The following TYW1B variants were observed in gnomAD, a reference collection of about 807,000 sequenced individuals.
TYW1B encodes the protein S-adenosyl-L-methionine-dependent tRNA 4-demethylwyosine synthase TYW1B.
A neutral mutation model predicts 86.9 loss-of-function variants in TYW1B; 73 were observed. That is an observed-to-expected ratio of 0.84 (90% CI 0.70 to 1.02). The LOEUF (loss-of-function observed/expected upper bound fraction) is 1.02, where lower values mean the gene tolerates loss of function less well. Ranked by LOEUF, TYW1B falls within the 50% of genes least tolerant of loss-of-function variation. The pLI is 0.00. For missense variants in TYW1B, 637 were observed against 827.4 expected (o/e 0.77, Z 2.82); for synonymous variants, 248 against 292.8 (o/e 0.85, Z 1.56).
At chr7:72,798,073 T>G (rs1251501219) in intron 6 of TYW1B, among the ~76,000 whole-genome samples, 1 of 151,926 alleles carries the variant, frequency 6.6e-6, no homozygotes, top group Admixed American at 6.6e-5. Context: ...TTAAACTAAG[T>G]TTGCAAATAT....
chr7:72,575,295 T>C lies in TYW1B; in HGVS notation c.*203A>G. 1 of 1,407,410 alleles carries C rather than the reference T, an allele frequency of 7.1e-7. No individual in the cohort carries two copies. Among genetic ancestry groups the C allele is most frequent in the Admixed American group, 3.0e-5 (1 of 33,406 alleles). The allele number at this position is 1,407,410 out of a possible 1,614,324, so 87.2% of individuals were successfully genotyped here. On this transcript the variant is annotated 3_prime_UTR_variant, in exon 14 of 14. Transcript: ENST00000620995. ...AAGTAAAATCAGGAAAGGGGCTGAG[T>C]TCTGAAAAGAAACATCGGGGCTGTG... is the stretch of plus-strand genomic sequence containing the variant.
rs1279154771 is a variant in TYW1B at position 72,628,952 on chromosome 7, C to T, written c.1552G>A (p.Val518Met). Residue 518 changes from valine to methionine, a missense_variant, in exon 12 of 14, where the codon GTG (valine) becomes ATG (methionine). By Grantham distance (21) the Val-to-Met change is conservative. Transcript: ENST00000620995. ...TGCGCGTAGGCCTGGAGCTCGTCCACGTTCCATGCTTTCACGAGCATCAGT... is the reference window on the plus strand; with the variant it reads ...TGCGCGTAGGCCTGGAGCTCGTCCATGTTCCATGCTTTCACGAGCATCAGT... Reference protein sequence around the residue: ...YRLMLVKAWNVDELQAYAQLV... With the variant: ...YRLMLVKAWNMDELQAYAQLV... 4 of 1,591,558 alleles carry T rather than the reference C, an allele frequency of 2.5e-6. No homozygotes were observed. The highest frequency in any genetic ancestry group is 3.6e-5 in the Admixed American group (2 of 55,728).
At chr7:72,782,500 C>T (rs1432237732) in intron 6 of TYW1B, among the ~76,000 whole-genome samples, 7 of 152,054 alleles carry the variant, frequency 4.6e-5, no homozygotes, top group East Asian at 1.9e-4. Context: ...CCAAAACATA[C>T]ATTTCTCCTG....
chr7:72,734,521 G>C (rs1333934022), intron 8 of TYW1B, among the ~76,000 whole-genome samples: 2 of 152,072 alleles, frequency 1.3e-5, no homozygotes, highest in Non-Finnish European at 1.5e-5. Context: ...AAACACAGAG[G>C]AAACACTTTA....
intron 11 of TYW1B, among the ~76,000 whole-genome samples, chr7:72,667,139 C>A (rs1254842509): frequency 7.0e-6 from 1 of 143,626 alleles, no homozygotes; most frequent in African/African-American, 2.6e-5. Flanking sequence ...CAACTGAAAA[C>A]AAAAAAACAA....
intron 13 of TYW1B, among the ~76,000 whole-genome samples, chr7:72,607,393 CAA>C (rs57281644): frequency 1.8e-4 from 14 of 76,196 alleles, no homozygotes; most frequent in Middle Eastern, 7.1e-3. Flanking sequence ...TTCTGTCTCT[CAA>C]AAAAAAAAAA....
intron 12 of TYW1B, among the ~76,000 whole-genome samples, chr7:72,619,895 T>C (rs1312688250): frequency 2.6e-5 from 4 of 152,196 alleles, no homozygotes; most frequent in African/African-American, 9.7e-5. Flanking sequence ...TTAGATAAGA[T>C]CTTGTCTTCG....
chr7:72,649,239 A>G (rs1351693031), intron 11 of TYW1B, among the ~76,000 whole-genome samples: 1 of 152,212 alleles, frequency 6.6e-6, no homozygotes, highest in Non-Finnish European at 1.5e-5. Flanking sequence ...AAAATAGCTG[A>G]AAGAGAATAA....
Position 72,786,871 on chromosome 7 carries a change from T to C in TYW1B, c.847-9338A>G, listed in dbSNP as rs567240482. Among the ~76,000 whole-genome samples, 5 of 152,084 alleles carry C rather than the reference T, an allele frequency of 3.3e-5. No individual in the cohort carries two copies. The South Asian group carries it at 1.0e-3, about 32-fold the overall frequency. Reference sequence around the variant, plus strand: ...ATTACAGGCATGAGCCACTGCGCCCTGCTAAACAAAGCTTTTAAATAAAGC... The same window carrying C: ...ATTACAGGCATGAGCCACTGCGCCCCGCTAAACAAAGCTTTTAAATAAAGC... On this transcript the variant is annotated intron_variant, in intron 6 of 13. Coordinates refer to ENST00000620995, the MANE Select transcript of TYW1B (RefSeq NM_001145440.3).
At chr7:72,706,633 T>TGC (rs879066152) in intron 10 of TYW1B, among the ~76,000 whole-genome samples, 1 of 152,104 alleles carries the variant, frequency 6.6e-6, no homozygotes, top group Admixed American at 6.5e-5. Flanking sequence ...GGAATTTCTC[T>TGC]TATAAGAAAA....
At chr7:72,700,238 A>G (rs1180714945) in intron 10 of TYW1B, among the ~76,000 whole-genome samples, 7 of 120,592 alleles carry the variant, frequency 5.8e-5, no homozygotes, top group African/African-American at 9.8e-5. Context: ...GCAATGGCAC[A>G]ATCTTGGCCC....
At chr7:72,757,729 T>C (rs572714145) in intron 7 of TYW1B, among the ~76,000 whole-genome samples, 69 of 152,256 alleles carry the variant, frequency 4.5e-4, no homozygotes, top group African/African-American at 1.6e-3. Flanking sequence ...ATCATGCTTG[T>C]ATGCCTGATA....
chr7:72,613,987 T>C (rs1282514359), intron 13 of TYW1B, among the ~76,000 whole-genome samples: 1 of 121,494 alleles, frequency 8.2e-6, no homozygotes, highest in Non-Finnish European at 1.6e-5. Context: ...AAAGACGATG[T>C]GTGCACATGT....
At chr7:72,748,281 A>G (rs1197544747) in intron 7 of TYW1B, among the ~76,000 whole-genome samples, 3 of 152,152 alleles carry the variant, frequency 2.0e-5, no homozygotes, top group Non-Finnish European at 2.9e-5. Flanking sequence ...AAAAAAAAAT[A>G]CAGAATACAA....
intron 7 of TYW1B, among the ~76,000 whole-genome samples, chr7:72,747,883 T>A (rs532263670): frequency 7.2e-5 from 11 of 152,344 alleles, no homozygotes; most frequent in African/African-American, 2.6e-4. Context: ...CAGTCCTGTG[T>A]ATGTTTTGTT....
At chr7:72,812,139 GT>G (rs34945951) in intron 3 of TYW1B, among the ~76,000 whole-genome samples, 25 of 146,544 alleles carry the variant, frequency 1.7e-4, no homozygotes, top group African/African-American at 2.2e-4. Flanking sequence ...TTTTAGAGGT[GT>G]TTTTTTTTTT....
chr7:72,654,603 G>C (rs1362570048), intron 11 of TYW1B, among the ~76,000 whole-genome samples: 1 of 152,298 alleles, frequency 6.6e-6, no homozygotes, highest in South Asian at 2.1e-4. Flanking sequence ...GTTATAGGCC[G>C]GGCACGGTGG....
intron 9 of TYW1B, among the ~76,000 whole-genome samples, chr7:72,724,289 T>C (rs1180209304): frequency 7.9e-5 from 12 of 152,000 alleles, no homozygotes; most frequent in Non-Finnish European, 1.8e-4. Context: ...CTGGGCAATA[T>C]AGGGAGAACC....
intron 10 of TYW1B, among the ~76,000 whole-genome samples, chr7:72,705,018 G>A (rs1585916669): frequency 1.3e-5 from 2 of 152,178 alleles, no homozygotes; most frequent in South Asian, 2.1e-4. Context: ...GCTGGGGGGC[G>A]GGGAACTTCT....
Sources: allele counts gnomAD v4.1 joint callset (sites outside exome capture counted in the v4.1 genomes callset), GRCh38; gene constraint gnomAD v4.1.1; transcripts MANE v1.5; gene names NCBI Gene and HGNC (gene_info 2026-07-23, HGNC 2026-07-21).